Variants in ALKBH1 observed in about 807,000 individuals in gnomAD.
The protein encoded by ALKBH1 is nucleic acid dioxygenase ALKBH1.
A neutral mutation model predicts 36.6 loss-of-function variants in ALKBH1; 31 were observed. The observed-to-expected ratio is 0.85, with a 90% CI of 0.64 to 1.14. ALKBH1 has a LOEUF of 1.14. Among genes scored for constraint, ALKBH1 ranks in the 50% most tolerant of loss-of-function variants. The pLI is 0.00. For missense variants in ALKBH1, 490 were observed against 497.3 expected (o/e 0.99, Z 0.14); for synonymous variants, 183 against 186.6 (o/e 0.98, Z 0.16).
intron 5 of ALKBH1, 93 bp from the exon 6 acceptor site, chr14:77,674,334 T>C (rs1595045681): frequency 7.5e-7 from 1 of 1,326,740 alleles, no homozygotes; most frequent in Non-Finnish European, 1.0e-6. Flanking sequence ...CTGTGTTATT[T>C]TGTAATTTCA....
chr14:77,686,940 T>G (rs1445117142), intron 3 of ALKBH1, among the ~76,000 whole-genome samples: 1 of 151,956 alleles, frequency 6.6e-6, no homozygotes, highest in Non-Finnish European at 1.5e-5. Flanking sequence ...CTTTCAGTGT[T>G]TGAGTGCTTC....
chr14:77,700,359 T>C (rs995897268), intron 2 of ALKBH1, among the ~76,000 whole-genome samples: 3 of 152,198 alleles, frequency 2.0e-5, no homozygotes, highest in Admixed American at 6.5e-5. Context: ...AGTTGATTAA[T>C]CCTGTTCCAC....
chr14:77,707,592 C>CTT (rs2080402323), intron 1 of ALKBH1, among the ~76,000 whole-genome samples: 1 of 152,180 alleles, frequency 6.6e-6, no homozygotes, highest in African/African-American at 2.4e-5. Context: ...TTCCCAGGCT[C>CTT]TTTTGACTGA....
intron 4 of ALKBH1, among the ~76,000 whole-genome samples, chr14:77,679,650 C>G (rs2080225946): frequency 6.6e-6 from 1 of 152,070 alleles, no homozygotes; most frequent in African/African-American, 2.4e-5. Context: ...AGGCTGGCAG[C>G]AAACTCCTGA....
chr14:77,677,291 C>T (rs1220051811), intron 4 of ALKBH1, among the ~76,000 whole-genome samples: 4 of 152,148 alleles, frequency 2.6e-5, no homozygotes, highest in African/African-American at 4.8e-5. Context: ...CTGCCTGCCT[C>T]GGCCTCCCAA....
chr14:77,678,352 TA>T (rs1237891511), intron 4 of ALKBH1, among the ~76,000 whole-genome samples: 2 of 152,168 alleles, frequency 1.3e-5, no homozygotes, highest in African/African-American at 2.4e-5. Flanking sequence ...ATATCACAAA[TA>T]TTTTTAAAAC....
chr14:77,706,588 A>C (rs1243528085), intron 1 of ALKBH1, among the ~76,000 whole-genome samples: 1 of 152,186 alleles, frequency 6.6e-6, no homozygotes, highest in African/African-American at 2.4e-5. Context: ...TCATGTACTC[A>C]ACACATACTG....
intron 1 of ALKBH1, 36 bp downstream of exon 1, chr14:77,707,786 G>A: frequency 6.4e-7 from 1 of 1,560,976 alleles, no homozygotes; most frequent in Non-Finnish European, 8.7e-7. Flanking sequence ...GCGGGGCAAA[G>A]CGATGGAGAG....
chr14:77,680,732 T>C (rs937812553), intron 3 of ALKBH1, among the ~76,000 whole-genome samples: 3 of 145,294 alleles, frequency 2.1e-5, no homozygotes, highest in Non-Finnish European at 4.5e-5. Context: ...CAGGCTGGAG[T>C]GCAATGGCGC....
chr14:77,672,712 C>T lies in ALKBH1; in HGVS notation c.*1100G>A, dbSNP rs187750190. On this transcript the variant is annotated 3_prime_UTR_variant, in exon 6 of 6. Transcript: ENST00000216489. ...GGAAGATGGTAGTCTACAGTATCTT[C>T]ATTTTATGATGAGGAAACCGAGGTC... 9 of 152,292 alleles carry T rather than the reference C, an allele frequency of 5.9e-5. No homozygotes were observed. The East Asian group carries it at 1.7e-3, about 29-fold the overall frequency. The allele number at this position is 152,292 out of a possible 1,614,324, so 9.4% of individuals were successfully genotyped here.
intron 4 of ALKBH1, 124 bp from the exon 5 acceptor site, chr14:77,675,973 C>A: frequency 1.3e-6 from 1 of 780,816 alleles, no homozygotes; most frequent in Non-Finnish European, 2.0e-6. Context: ...ATTAACACAG[C>A]ATTATCTATC....
At chr14:77,694,015 T>C (rs898840958) in intron 3 of ALKBH1, among the ~76,000 whole-genome samples, 2 of 152,086 alleles carry the variant, frequency 1.3e-5, no homozygotes, top group African/African-American at 4.8e-5. Context: ...AAACAAAAAA[T>C]CATTTTTTCT....
At chr14:77,676,565 A>G (rs1450366011) in intron 4 of ALKBH1, among the ~76,000 whole-genome samples, 4 of 152,208 alleles carry the variant, frequency 2.6e-5, no homozygotes, top group African/African-American at 9.7e-5. Flanking sequence ...AAAATTAGAT[A>G]TAAGAACAAA....
At chr14:77,680,677 C>CTCTTTTTT (rs774703181) in intron 3 of ALKBH1, among the ~76,000 whole-genome samples, 7,196 of 123,594 alleles carry the variant, frequency 0.058, 427 homozygotes, top group Middle Eastern at 0.076. Context: ...ATTAACTACT[C>CTCTTTTTT]TTTTTTTTTT....
intron 3 of ALKBH1, 100 bp from the exon 4 acceptor site, chr14:77,680,070 A>G: frequency 2.3e-6 from 2 of 853,758 alleles, no homozygotes. Flanking sequence ...ACATGGTATA[A>G]GCCGTTAGCC....
intron 4 of ALKBH1, among the ~76,000 whole-genome samples, chr14:77,676,197 A>T (rs1038579059): frequency 2.0e-5 from 3 of 150,264 alleles, no homozygotes; most frequent in Non-Finnish European, 4.4e-5. Context: ...GGGTCTCACT[A>T]TGTTGCCTAG....
At chr14:77,705,233 T>C (rs1238940608) in intron 1 of ALKBH1, among the ~76,000 whole-genome samples, 2 of 151,796 alleles carry the variant, frequency 1.3e-5, no homozygotes, top group Non-Finnish European at 2.9e-5. Flanking sequence ...GCCAACATGG[T>C]GAAACCCCGT....
At chr14:77,704,535 G>T (rs1267448806) in intron 1 of ALKBH1, 58 bp from the exon 2 acceptor site, 7 of 1,384,132 alleles carry the variant, frequency 5.1e-6, no homozygotes, top group Non-Finnish European at 7.2e-6. Flanking sequence ...TCAACCCCGG[G>T]AACCTCAAAC....
chr14:77,693,224 A>AAT (rs369220185), intron 3 of ALKBH1, among the ~76,000 whole-genome samples: 119 of 126,432 alleles, frequency 9.4e-4, no homozygotes, highest in Middle Eastern at 3.9e-3. Context: ...AAAAAAAAAA[A>AAT]TTTTTTTTCA....
Sources: allele counts gnomAD v4.1 joint callset (sites outside exome capture counted in the v4.1 genomes callset), GRCh38; gene constraint gnomAD v4.1.1; transcripts MANE v1.5; gene names NCBI Gene and HGNC (gene_info 2026-07-23, HGNC 2026-07-21).